Variants in ARHGAP31 observed in about 807,000 individuals in gnomAD.
ARHGAP31 encodes the protein rho GTPase-activating protein 31.
Under a neutral mutation model 113.9 loss-of-function variants are expected in ARHGAP31, and 34 were observed. The ratio of observed to expected loss-of-function variants is 0.30; its 90% CI spans 0.23 to 0.40. The LOEUF is 0.40. ARHGAP31 is among the 10% of genes least tolerant of loss of function. The pLI is 1.00. For synonymous variants in ARHGAP31, 650 were observed against 684.8 expected, an observed-to-expected ratio of 0.95 and a Z score of 0.79; for missense variants, 1,548 against 1,767.1, an observed-to-expected ratio of 0.88 and a Z score of 2.22.
At chr3:119,303,180 G>A (rs1321296020) in intron 1 of ARHGAP31, among the ~76,000 whole-genome samples, 1 of 152,256 alleles carries the variant, frequency 6.6e-6, no homozygotes, top group Non-Finnish European at 1.5e-5. Context: ...TGAGCCCCAT[G>A]TGAGACATGC....
rs75088432 is a variant in ARHGAP31 at position 119,306,889 on chromosome 3, A to T, written c.100+11885A>T. ...CTTCATTATACTTTTATATTGCCCA[A>T]CATTTCAACACTGAAGATACATTTT... On this transcript the variant is annotated intron_variant, in intron 1 of 11. Transcript: ENST00000264245. Among the ~76,000 whole-genome samples the T allele has an allele frequency of 5.3e-3, 814 of 152,336 alleles. 7 individuals carry two copies. Among genetic ancestry groups the T allele is most frequent in the African/African-American group, 0.018 (737 of 41,564 alleles).
chr3:119,303,012 C>G (rs1035739835), intron 1 of ARHGAP31, among the ~76,000 whole-genome samples: 1 of 152,206 alleles, frequency 6.6e-6, no homozygotes, highest in Non-Finnish European at 1.5e-5. Context: ...GCAGCCACAT[C>G]TTCTTCACCT....
intron 1 of ARHGAP31, among the ~76,000 whole-genome samples, chr3:119,336,360 T>C (rs1309340357): frequency 6.6e-6 from 1 of 152,156 alleles, no homozygotes; most frequent in Non-Finnish European, 1.5e-5. Context: ...ATAAGCAATT[T>C]ACATCAGCCA....
intron 1 of ARHGAP31, among the ~76,000 whole-genome samples, chr3:119,321,253 G>A (rs1022403754): frequency 1.6e-5 from 2 of 125,686 alleles, no homozygotes; most frequent in Admixed American, 1.6e-4. Context: ...TTCCTATTCA[G>A]CAGCAATTTC....
At chr3:119,388,154 A>T (rs1352936850) in intron 6 of ARHGAP31, among the ~76,000 whole-genome samples, 2 of 152,140 alleles carry the variant, frequency 1.3e-5, no homozygotes, top group African/African-American at 4.8e-5. Flanking sequence ...GACCAAAGTA[A>T]TGAGTTATGG....
intron 3 of ARHGAP31, among the ~76,000 whole-genome samples, chr3:119,371,961 A>T (rs1226604354): frequency 6.6e-6 from 1 of 152,176 alleles, no homozygotes; most frequent in African/African-American, 2.4e-5. Flanking sequence ...AAGGCTGCAT[A>T]GTATTCCGTG....
chr3:119,331,897 T>G (rs1336279357), intron 1 of ARHGAP31, among the ~76,000 whole-genome samples: 2 of 152,082 alleles, frequency 1.3e-5, no homozygotes, highest in Non-Finnish European at 2.9e-5. Context: ...CCTGGCTGCC[T>G]GCACCGCCTC....
chr3:119,401,993 G>A lies in ARHGAP31; in HGVS notation c.1241G>A (p.Ser414Asn), dbSNP rs1490511009. The A allele has an allele frequency of 1.2e-5, 19 of 1,614,194 alleles. No individual in the cohort carries two copies. The highest frequency in any genetic ancestry group is 1.6e-5 in the Non-Finnish European group (19 of 1,180,030). ...GGGGCTGAGGGTGGCTTTGATGTGA[G>A]CAGTGATCGCAGCCATCTCCAGGGC... ...PPGAEGGFDV[S>N]SDRSHLQGAQ... is the part of the protein sequence containing the mutation. The change falls in exon 10 of 12, where the codon AGC (serine) becomes AAC (asparagine). Residue 414 changes from serine to asparagine, a missense_variant. Coordinates refer to ENST00000264245, the MANE Select transcript of ARHGAP31 (RefSeq NM_020754.4).
At chr3:119,403,191 G>T (rs115468409) in intron 10 of ARHGAP31, among the ~76,000 whole-genome samples, 1 of 152,104 alleles carries the variant, frequency 6.6e-6, no homozygotes, top group African/African-American at 2.4e-5. Context: ...TTTCTTTTCC[G>T]TTAATATTAG....
intron 1 of ARHGAP31, among the ~76,000 whole-genome samples, chr3:119,350,712 A>G (rs1385373608): frequency 6.6e-6 from 1 of 152,204 alleles, no homozygotes; most frequent in African/African-American, 2.4e-5. Context: ...AGCAAAGGAG[A>G]TATGTATAAA....
intron 4 of ARHGAP31, among the ~76,000 whole-genome samples, chr3:119,381,365 T>C (rs1338163940): frequency 6.6e-6 from 1 of 152,208 alleles, no homozygotes; most frequent in Non-Finnish European, 1.5e-5. Context: ...GAGCATTGGC[T>C]GATTGTTCTA....
intron 1 of ARHGAP31, among the ~76,000 whole-genome samples, chr3:119,298,058 T>C (rs1422915944): frequency 1.3e-5 from 2 of 152,170 alleles, no homozygotes; most frequent in East Asian, 3.9e-4. Flanking sequence ...TTTTCCCCCT[T>C]CTTTGACCAC....
chr3:119,366,073 G>A (rs75194116), intron 2 of ARHGAP31, among the ~76,000 whole-genome samples: 2,847 of 152,014 alleles, frequency 0.019, 85 homozygotes, highest in African/African-American at 0.063. Context: ...ACACAGGTAC[G>A]TGTGTGTTTT....
At chr3:119,362,290 T>C (rs2080214502) in intron 1 of ARHGAP31, among the ~76,000 whole-genome samples, 1 of 152,194 alleles carries the variant, frequency 6.6e-6, no homozygotes, top group Non-Finnish European at 1.5e-5. Flanking sequence ...AGACTTGAAA[T>C]GCAGAACACC....
Position 119,409,701 on chromosome 3 carries a change from G to A in ARHGAP31, c.1851G>A (p.Glu617=), listed in dbSNP as rs1237245860. ...NPEKVVEEGR[E]AGEMESSTLQ... Reference sequence around the variant, plus strand: ...AGAAGGTGGTGGAGGAGGGACGAGAGGCTGGTGAGATGGAGTCCAGCACCC... The same window carrying A: ...AGAAGGTGGTGGAGGAGGGACGAGAAGCTGGTGAGATGGAGTCCAGCACCC... The change falls in exon 11 of 12, where the codon GAG becomes GAA. Residue 617 remains glutamate, a synonymous_variant. Coordinates refer to ENST00000264245, the MANE Select transcript of ARHGAP31 (RefSeq NM_020754.4). 5 of 1,610,606 alleles carry A rather than the reference G, an allele frequency of 3.1e-6. No homozygotes were observed. The highest frequency in any genetic ancestry group is 3.4e-6 in the Non-Finnish European group (4 of 1,178,512).
In ARHGAP31 at chr3:119,294,489, C is replaced by T; in HGVS notation, c.-416C>T. ...AGGGCGCAGGACCCACCGCAGCCCCCTGGGCAGTCTCCTCGCCCCGCGTCC... is the reference window on the plus strand; with the variant it reads ...AGGGCGCAGGACCCACCGCAGCCCCTTGGGCAGTCTCCTCGCCCCGCGTCC... On this transcript the variant is annotated 5_prime_UTR_variant, in exon 1 of 12. Transcript: ENST00000264245. The T allele has an allele frequency of 2.2e-6, 1 of 453,718 alleles. No homozygotes were observed. Among genetic ancestry groups the T allele is most frequent in the Non-Finnish European group, 3.8e-6 (1 of 263,498 alleles). 28.1% of individuals were successfully genotyped at this position (453,718 alleles called of 1,614,324 possible).
chr3:119,300,706 T>A (rs1291867827), intron 1 of ARHGAP31, among the ~76,000 whole-genome samples: 2 of 151,692 alleles, frequency 1.3e-5, no homozygotes, highest in African/African-American at 4.8e-5. Flanking sequence ...CGGGGTCTGT[T>A]ATCCCAGCTA....
At chr3:119,339,262 C>G (rs1204905619) in intron 1 of ARHGAP31, among the ~76,000 whole-genome samples, 1 of 152,172 alleles carries the variant, frequency 6.6e-6, no homozygotes, top group Non-Finnish European at 1.5e-5. Flanking sequence ...TAATGACATT[C>G]TCCTTGAGGG....
intron 1 of ARHGAP31, among the ~76,000 whole-genome samples, chr3:119,297,497 A>T: frequency 9.8e-6 from 1 of 102,116 alleles, no homozygotes; most frequent in Admixed American, 9.4e-5. Flanking sequence ...AAGGTGGTGC[A>T]GTAGACCTGC....
Sources: allele counts gnomAD v4.1 joint callset (sites outside exome capture counted in the v4.1 genomes callset), GRCh38; gene constraint gnomAD v4.1.1; transcripts MANE v1.5; gene names NCBI Gene and HGNC (gene_info 2026-07-23, HGNC 2026-07-21).